The following NDUFA5 variants were observed in gnomAD, a reference collection of about 807,000 sequenced individuals.
NDUFA5 encodes NADH dehydrogenase [ubiquinone] 1 alpha subcomplex subunit 5.
Under a neutral mutation model 19.8 loss-of-function variants are expected in NDUFA5, and 11 were observed. The ratio of observed to expected loss-of-function variants is 0.56; its 90% CI spans 0.35 to 0.92. The LOEUF (loss-of-function observed/expected upper bound fraction) is 0.92, where lower values mean the gene tolerates loss of function less well. Among genes scored for constraint, NDUFA5 ranks in the 40% least tolerant of loss-of-function variants. The pLI, the probability that NDUFA5 is intolerant of heterozygous loss-of-function variation, is 0.01. For missense variants in NDUFA5, 109 were observed against 134.2 expected (o/e 0.81, Z 0.93); for synonymous variants, 47 against 46.8 (o/e 1.00, Z -0.01).
At position 123,537,680 on chromosome 7, in the gene NDUFA5, GT is replaced by G. The variant is rs1279898676; in HGVS notation, c.*4438del. 3.3e-5 allele frequency: 5 copies of G among 152,108 alleles called. No individual in the cohort carries two copies. Among genetic ancestry groups the G allele is most frequent in the Non-Finnish European group, 7.4e-5 (5 of 67,998 alleles). 9.4% of individuals were successfully genotyped at this position (152,108 alleles called of 1,614,324 possible). A position where few individuals can be genotyped will look rare whatever the true frequency, so the allele number is the denominator to read the frequency against. Reference sequence around the variant, plus strand: ...AATAGCCTCATGTAATTCAGGTGGGGTTTGTTGCCAAATGAGTTATGAAAAA... The same window carrying G: ...AATAGCCTCATGTAATTCAGGTGGGGTTGTTGCCAAATGAGTTATGAAAAA... On this transcript the variant is annotated 3_prime_UTR_variant, in exon 5 of 5. Coordinates refer to ENST00000355749, the MANE Select transcript of NDUFA5 (RefSeq NM_005000.5).
chr7:123,560,902 C>A (rs191359973), upstream of NDUFA5, among the ~76,000 whole-genome samples: 2 of 152,066 alleles, frequency 1.3e-5, no homozygotes, highest in Admixed American at 1.3e-4. Flanking sequence ...ATGCTCTAGT[C>A]TATTATAGCA....
chr7:123,570,423 G>A, the NDUFA5 span, among the ~76,000 whole-genome samples: 3 of 152,088 alleles, frequency 2.0e-5, no homozygotes, highest in South Asian at 2.1e-4. Context: ...CCCTTCCACC[G>A]AGAGTGGCAG....
chr7:123,553,813 G>A (rs913189939), intron 2 of NDUFA5, among the ~76,000 whole-genome samples: 2 of 152,026 alleles, frequency 1.3e-5, no homozygotes, highest in African/African-American at 4.8e-5. Flanking sequence ...AACAGTACCT[G>A]GTACACATTA....
the NDUFA5 span, among the ~76,000 whole-genome samples, chr7:123,585,349 T>C: frequency 1.3e-5 from 2 of 151,616 alleles, no homozygotes; most frequent in African/African-American, 4.8e-5. Context: ...CCTCCCCCTA[T>C]TCCCTAAACC....
At chr7:123,563,332 T>G in the NDUFA5 span, among the ~76,000 whole-genome samples, 9 of 152,146 alleles carry the variant, frequency 5.9e-5, no homozygotes, top group African/African-American at 2.2e-4. Flanking sequence ...CATTGCAGCA[T>G]TATTAACTGG....
At chr7:123,570,029 C>CTTTTT in the NDUFA5 span, among the ~76,000 whole-genome samples, 5 of 88,196 alleles carry the variant, frequency 5.7e-5, no homozygotes, top group Middle Eastern at 7.6e-3. Flanking sequence ...ACTGCCATAG[C>CTTTTT]TTTTTTTTTT....
Position 123,550,453 on chromosome 7 carries a change from C to T in NDUFA5, c.183+17G>A, listed in dbSNP as rs755279917. On this transcript the variant is annotated intron_variant, in intron 3 of 4. Coordinates refer to ENST00000355749, the MANE Select transcript of NDUFA5 (RefSeq NM_005000.5). Reference sequence around the variant, plus strand: ...TTAAATGTTACACAAGACAACAAAACTGACTTAGCTACTTACCGCTTTAAC... The same window carrying T: ...TTAAATGTTACACAAGACAACAAAATTGACTTAGCTACTTACCGCTTTAAC... 1 of 797,508 alleles carries T rather than the reference C, an allele frequency of 1.3e-6. No individual in the cohort carries two copies. Among genetic ancestry groups the T allele is most frequent in the Non-Finnish European group, 1.8e-6 (1 of 545,760 alleles). 49.4% of individuals were successfully genotyped at this position (797,508 alleles called of 1,614,324 possible).
intron 2 of NDUFA5, chr7:123,556,733 CA>C (rs113495801): frequency 4.9e-6 from 2 of 405,076 alleles, no homozygotes; most frequent in African/African-American, 4.2e-5. Flanking sequence ...TCAAATGTGT[CA>C]AAAAACGCTG....
At chr7:123,578,005 C>T in the NDUFA5 span, among the ~76,000 whole-genome samples, 1 of 151,652 alleles carries the variant, frequency 6.6e-6, no homozygotes, top group Non-Finnish European at 1.5e-5. Context: ...AACCCATCAC[C>T]TACATTAAGT....
chr7:123,580,846 T>C, the NDUFA5 span, among the ~76,000 whole-genome samples: 1 of 152,026 alleles, frequency 6.6e-6, no homozygotes, highest in Non-Finnish European at 1.5e-5. Context: ...ATAATTATTA[T>C]ACCGCAAACC....
rs1467876200 is a variant in NDUFA5, at chr7:123,540,378, A to G, written c.*1741T>C. ...TAACACTGTTGGTGAAACATAAAAG[A>G]TGCCCAAGAATCATGGCAGATACGG... On this transcript the variant is annotated 3_prime_UTR_variant, in exon 5 of 5. Transcript: ENST00000355749. 2 of 152,208 alleles carry G rather than the reference A, an allele frequency of 1.3e-5. No individual in the cohort carries two copies. The highest frequency in any genetic ancestry group is 2.9e-5 in the Non-Finnish European group (2 of 68,036). 9.4% of individuals were successfully genotyped at this position (152,208 alleles called of 1,614,324 possible).
rs1241384089 is a variant in NDUFA5 at position 123,540,424 on chromosome 7, C to T, written c.*1695G>A. ...TACGGGACTGAAAATATGACAAAAA[C>T]ACAGCAAGCCATCTTTGTTTCTGTG... is the stretch of plus-strand genomic sequence containing the variant. On this transcript the variant is annotated 3_prime_UTR_variant, in exon 5 of 5. Coordinates refer to ENST00000355749, the MANE Select transcript of NDUFA5 (RefSeq NM_005000.5). 2 of 152,024 alleles carry T rather than the reference C, an allele frequency of 1.3e-5. 1 individual carries two copies. Among genetic ancestry groups the T allele is most frequent in the Non-Finnish European group, 2.9e-5 (2 of 67,990 alleles). 9.4% of individuals were successfully genotyped at this position (152,024 alleles called of 1,614,324 possible). A position where few individuals can be genotyped will look rare whatever the true frequency, so the allele number is the denominator to read the frequency against.
the NDUFA5 span, among the ~76,000 whole-genome samples, chr7:123,593,491 A>G: frequency 6.6e-5 from 10 of 152,120 alleles, no homozygotes; most frequent in African/African-American, 2.2e-4. Flanking sequence ...CTCAGCATTT[A>G]CTTGTCTATA....
At position 123,538,997 on chromosome 7, in the gene NDUFA5, C is replaced by G. The variant is rs202100964; in HGVS notation, c.*3122G>C. On this transcript the variant is annotated 3_prime_UTR_variant, in exon 5 of 5. Coordinates refer to ENST00000355749, the MANE Select transcript of NDUFA5 (RefSeq NM_005000.5). ...GAAAATTGACAATAAAATATAAGCT[C>G]TCTTTTCTTCCATCCCCCAATTCTG... The G allele has an allele frequency of 7.9e-5, 12 of 152,336 alleles. No homozygotes were observed. In the East Asian group the frequency reaches 2.1e-3, roughly 27 times the overall value. The allele number at this position is 152,336 out of a possible 1,614,324, so 9.4% of individuals were successfully genotyped here.
At position 123,544,764 on chromosome 7, in the gene NDUFA5, T is replaced by TAAAAAA. The variant is rs61556029; in HGVS notation, c.249+841_249+846dup. Among the ~76,000 whole-genome samples the TAAAAAA allele has an allele frequency of 3.0e-3, 184 of 61,792 alleles. 2 individuals are homozygous for TAAAAAA. Among genetic ancestry groups the TAAAAAA allele is most frequent in the African/African-American group, 9.7e-3 (157 of 16,190 alleles). 40.5% of individuals were successfully genotyped at this position (61,792 alleles called of 152,430 possible). On this transcript the variant is annotated intron_variant, in intron 4 of 4. Transcript: ENST00000355749. ...AATTGGAGAAAAAAGATGCAAATCT[T>TAAAAAA]AAAAAAAAAAAAAAAAAAAAAAAAA...
chr7:123,582,302 A>G, the NDUFA5 span, among the ~76,000 whole-genome samples: 2 of 151,760 alleles, frequency 1.3e-5, no homozygotes, highest in Non-Finnish European at 2.9e-5. Context: ...ACAATATCCA[A>G]AGGGAGTGAG....
chr7:123,547,061 A>AC (rs1332810282), intron 3 of NDUFA5, among the ~76,000 whole-genome samples: 1 of 152,170 alleles, frequency 6.6e-6, no homozygotes, highest in Non-Finnish European at 1.5e-5. Flanking sequence ...CAGTGATGAG[A>AC]CCACAAGCCA....
chr7:123,557,634 C>A, intron 1 of NDUFA5, 141 bp downstream of exon 1: 1 of 1,613,708 alleles, frequency 6.2e-7, no homozygotes, highest in Non-Finnish European at 8.5e-7. Context: ...CCTGCCCTAC[C>A]CGGTAAGGCA....
chr7:123,544,764 TAAAAAAAAAA>T lies in NDUFA5; in HGVS notation c.249+837_249+846del, dbSNP rs61556029. ...AATTGGAGAAAAAAGATGCAAATCT[TAAAAAAAAAA>T]AAAAAAAAAAAAAAAGAGTTATCAT... On this transcript the variant is annotated intron_variant, in intron 4 of 4. Coordinates refer to ENST00000355749, the MANE Select transcript of NDUFA5 (RefSeq NM_005000.5). Among the ~76,000 whole-genome samples the T allele has an allele frequency of 5.2e-3, 322 of 61,830 alleles. 1 individual carries two copies. The highest frequency in any genetic ancestry group is 7.9e-3 in the Non-Finnish European group (260 of 33,008). The allele number at this position is 61,830 out of a possible 152,430, so 40.6% of individuals were successfully genotyped here.
Sources: allele counts gnomAD v4.1 joint callset (sites outside exome capture counted in the v4.1 genomes callset), GRCh38; gene constraint gnomAD v4.1.1; transcripts MANE v1.5; gene names NCBI Gene and HGNC (gene_info 2026-07-23, HGNC 2026-07-21).